The following ADGRL3 variants were observed in gnomAD, a reference collection of about 807,000 sequenced individuals.
ADGRL3 encodes the protein calcium-independent alpha-latrotoxin receptor 3.
A neutral mutation model predicts 153.5 loss-of-function variants in ADGRL3; 62 were observed. The observed-to-expected ratio is 0.40, with a 90% confidence interval of 0.33 to 0.50. ADGRL3 has a LOEUF of 0.50. Among genes scored for constraint, ADGRL3 ranks in the 20% least tolerant of loss-of-function variants. ADGRL3 has a pLI of 0.47. For missense variants in ADGRL3, 1,641 were observed against 1,859.4 expected, an observed-to-expected ratio of 0.88 and a Z score of 2.16; for synonymous variants, 710 against 672.5, an observed-to-expected ratio of 1.06 and a Z score of -0.86.
chr4:61,256,576 T>G (rs558372936), intron 1 of ADGRL3, among the ~76,000 whole-genome samples: 1 of 152,312 alleles, frequency 6.6e-6, no homozygotes, highest in Non-Finnish European at 1.5e-5. Flanking sequence ...GATTAGCATC[T>G]GTTGTTTGTT....
At chr4:61,872,417 T>A (rs1476899113) in intron 9 of ADGRL3, among the ~76,000 whole-genome samples, 1 of 151,622 alleles carries the variant, frequency 6.6e-6, no homozygotes, top group Non-Finnish European at 1.5e-5. Context: ...CCTTTTTTTT[T>A]TTTTTTCTTA....
chr4:61,286,497 A>G (rs1212031196), intron 1 of ADGRL3, among the ~76,000 whole-genome samples: 1 of 151,646 alleles, frequency 6.6e-6, no homozygotes, highest in African/African-American at 2.4e-5. Context: ...ATTTTACAGC[A>G]TTTTAGATAT....
chr4:61,235,505 G>A (rs922993068), intron 1 of ADGRL3, among the ~76,000 whole-genome samples: 6 of 152,126 alleles, frequency 3.9e-5, no homozygotes, highest in African/African-American at 1.2e-4. Flanking sequence ...AAGAAGCAAA[G>A]TACAAATCCC....
intron 2 of ADGRL3, among the ~76,000 whole-genome samples, chr4:61,485,231 T>C (rs1227016012): frequency 6.6e-6 from 1 of 152,180 alleles, no homozygotes; most frequent in African/African-American, 2.4e-5. Context: ...TTGCTACTGA[T>C]ACACTAACTA....
At chr4:61,620,734 G>T (rs965727142) in intron 5 of ADGRL3, among the ~76,000 whole-genome samples, 1 of 141,432 alleles carries the variant, frequency 7.1e-6, no homozygotes, top group African/African-American at 2.7e-5. Context: ...TCTGCCTCTC[G>T]GGTTCAAGCG....
At chr4:61,268,499 C>T (rs922292698) in intron 1 of ADGRL3, among the ~76,000 whole-genome samples, 1 of 151,442 alleles carries the variant, frequency 6.6e-6, no homozygotes, top group African/African-American at 2.4e-5. Context: ...TCTTGGGCCT[C>T]AGCCATTTAT....
intron 21 of ADGRL3, among the ~76,000 whole-genome samples, chr4:62,014,345 G>C (rs1289524761): frequency 1.3e-5 from 2 of 152,096 alleles, no homozygotes; most frequent in Admixed American, 1.3e-4. Context: ...ATGAAGTTTA[G>C]GGTATAAGGG....
At chr4:61,368,760 G>C (rs540208252) in intron 1 of ADGRL3, among the ~76,000 whole-genome samples, 50 of 152,200 alleles carry the variant, frequency 3.3e-4, no homozygotes, top group African/African-American at 1.2e-3. Flanking sequence ...TTCCAATTCT[G>C]TGAAGAAAGG....
intron 6 of ADGRL3, among the ~76,000 whole-genome samples, chr4:61,704,941 T>G (rs531142188): frequency 6.6e-6 from 1 of 152,330 alleles, no homozygotes; most frequent in East Asian, 1.9e-4. Flanking sequence ...TCTAGTTCTC[T>G]TTCTATTTGC....
intron 9 of ADGRL3, among the ~76,000 whole-genome samples, chr4:61,888,453 C>A (rs1286316226): frequency 6.6e-6 from 1 of 152,178 alleles, no homozygotes; most frequent in African/African-American, 2.4e-5. Flanking sequence ...GACTGTTCAG[C>A]AAATCTATAT....
rs908451503 is a variant in ADGRL3, at chr4:61,660,773, C to A, written c.474-16053C>A. On this transcript the variant is annotated intron_variant, in intron 5 of 26. Coordinates refer to ENST00000683033, the MANE Select transcript of ADGRL3 (RefSeq NM_001387552.1). ...AGGTGTCTTTCTTCTGAGTAACTTT[C>A]CACATTAAACCCAATTGATCAAAAA... Among the ~76,000 whole-genome samples the A allele has an allele frequency of 1.1e-4, 17 of 152,000 alleles. 1 individual carries two copies. The highest frequency in any genetic ancestry group is 4.1e-4 in the African/African-American group (17 of 41,418).
intron 8 of ADGRL3, among the ~76,000 whole-genome samples, chr4:61,804,195 T>C (rs896803167): frequency 3.3e-5 from 5 of 152,302 alleles, no homozygotes; most frequent in Admixed American, 3.3e-4. Flanking sequence ...ATCTGTTCTC[T>C]TTATACTTAG....
intron 1 of ADGRL3, among the ~76,000 whole-genome samples, chr4:61,268,722 A>C (rs1443517100): frequency 6.6e-6 from 1 of 151,604 alleles, no homozygotes; most frequent in East Asian, 1.9e-4. Context: ...CATTATATAA[A>C]ATTAAATGTT....
intron 1 of ADGRL3, among the ~76,000 whole-genome samples, chr4:61,304,922 C>A (rs1179340726): frequency 6.6e-6 from 1 of 152,130 alleles, no homozygotes; most frequent in Non-Finnish European, 1.5e-5. Flanking sequence ...TCAATTTAGA[C>A]AGTGTAACAC....
intron 25 of ADGRL3, among the ~76,000 whole-genome samples, chr4:62,045,114 G>T (rs188319004): frequency 2.6e-5 from 4 of 151,888 alleles, no homozygotes; most frequent in Non-Finnish European, 4.4e-5. Flanking sequence ...TCCCTGGGTG[G>T]CATTTAGATT....
intron 13 of ADGRL3, among the ~76,000 whole-genome samples, chr4:61,916,928 G>A (rs2098747645): frequency 6.6e-6 from 1 of 151,860 alleles, no homozygotes; most frequent in Non-Finnish European, 1.5e-5. Flanking sequence ...ACTCCAGCCT[G>A]GGCGACAGAG....
At chr4:61,361,714 G>A (rs2096284561) in intron 1 of ADGRL3, among the ~76,000 whole-genome samples, 2 of 152,102 alleles carry the variant, frequency 1.3e-5, no homozygotes, top group South Asian at 2.1e-4. Context: ...CACAATGGAA[G>A]CAATAAACAG....
intron 1 of ADGRL3, among the ~76,000 whole-genome samples, chr4:61,334,441 G>C (rs2095636096): frequency 6.6e-6 from 1 of 152,142 alleles, no homozygotes. Context: ...GGGTATATTT[G>C]ATATGAAGTG....
chr4:61,883,207 G>A (rs1257673794), intron 9 of ADGRL3, among the ~76,000 whole-genome samples: 2 of 152,054 alleles, frequency 1.3e-5, no homozygotes, highest in Non-Finnish European at 2.9e-5. Flanking sequence ...CTTATCCTTA[G>A]CACTTCTTAA....
Sources: allele counts gnomAD v4.1 joint callset (sites outside exome capture counted in the v4.1 genomes callset), GRCh38; gene constraint gnomAD v4.1.1; transcripts MANE v1.5; gene names NCBI Gene and HGNC (gene_info 2026-07-23, HGNC 2026-07-21).